Variants in AHCYL2 observed in about 807,000 individuals in gnomAD.
AHCYL2 encodes adenosylhomocysteinase like 2, also known as S-adenosylhomocysteine hydrolase-like protein 2.
A neutral mutation model predicts 81.4 loss-of-function variants in AHCYL2; 28 were observed. That is an observed-to-expected ratio of 0.34 (90% confidence interval 0.25 to 0.47). The LOEUF (loss-of-function observed/expected upper bound fraction) is 0.47. AHCYL2 is among the 20% of genes least tolerant of loss of function. AHCYL2 has a pLI of 1.00. For missense variants in AHCYL2, 551 were observed against 785.1 expected (o/e 0.70, Z 3.56); for synonymous variants, 272 against 290.2 (o/e 0.94, Z 0.64).
chr7:129,255,291 G>A (rs1022812451), intron 1 of AHCYL2, among the ~76,000 whole-genome samples: 8 of 151,812 alleles, frequency 5.3e-5, no homozygotes, highest in Non-Finnish European at 1.0e-4. Flanking sequence ...AAAGAAACAA[G>A]TGAAATTGAT....
intron 1 of AHCYL2, among the ~76,000 whole-genome samples, chr7:129,255,217 C>T (rs898902532): frequency 2.6e-5 from 4 of 151,928 alleles, no homozygotes; most frequent in African/African-American, 4.8e-5. Flanking sequence ...GCCGAGATCG[C>T]GCCATTGCAC....
chr7:129,387,133 C>T (rs905086617), intron 2 of AHCYL2, among the ~76,000 whole-genome samples: 8 of 151,712 alleles, frequency 5.3e-5, no homozygotes, highest in Non-Finnish European at 1.0e-4. Flanking sequence ...CTGATTTCTG[C>T]TTTATAGCAC....
Position 129,427,176 on chromosome 7 carries a change from GTTAT to G in AHCYL2, c.*141_*144del, listed in dbSNP as rs1797401814. ...CTGCCGTGCTCACCCTGTGTGTTAG[GTTAT>G]TTATTTATTAAAATCAAGAATCCTG... On this transcript the variant is annotated 3_prime_UTR_variant, in exon 17 of 17. Coordinates refer to ENST00000325006, the MANE Select transcript of AHCYL2 (RefSeq NM_015328.4). This position sits in a 1 kb window ranked among gnomAD's most constrained non-coding sequence, Gnocchi z 5.5. 3.2e-6 allele frequency: 3 copies of G among 929,426 alleles called. No individual in the cohort carries two copies. The highest frequency in any genetic ancestry group is 1.7e-5 in the African/African-American group (1 of 59,038). The allele number at this position is 929,426 out of a possible 1,614,324, so 57.6% of individuals were successfully genotyped here.
At chr7:129,281,986 A>G (rs747505829) in intron 1 of AHCYL2, among the ~76,000 whole-genome samples, 12 of 152,214 alleles carry the variant, frequency 7.9e-5, no homozygotes, top group South Asian at 2.1e-4. Context: ...TCTTTGACCC[A>G]TCAGTTACTT....
chr7:129,249,486 C>G (rs535023714), intron 1 of AHCYL2, among the ~76,000 whole-genome samples: 8 of 151,978 alleles, frequency 5.3e-5, no homozygotes, highest in Non-Finnish European at 2.9e-5. Flanking sequence ...ACTGCAGTGG[C>G]GCAATCTCGG....
chr7:129,281,116 G>A (rs1457697043), intron 1 of AHCYL2, among the ~76,000 whole-genome samples: 1 of 151,936 alleles, frequency 6.6e-6, no homozygotes, highest in East Asian at 1.9e-4. Context: ...GCCCACCTTG[G>A]CCTCCCAAAG....
intron 1 of AHCYL2, among the ~76,000 whole-genome samples, chr7:129,294,675 G>A (rs988363228): frequency 5.3e-5 from 8 of 152,128 alleles, no homozygotes; most frequent in African/African-American, 1.9e-4. Flanking sequence ...ATCTGAACAG[G>A]ATATCTTTTA....
intron 1 of AHCYL2, among the ~76,000 whole-genome samples, chr7:129,369,953 A>G (rs1003500894): frequency 6.6e-6 from 1 of 152,176 alleles, no homozygotes; most frequent in Non-Finnish European, 1.5e-5. Flanking sequence ...GATTTATGTA[A>G]TACTTCTGAT....
At chr7:129,248,620 A>ATT (rs75305879) in intron 1 of AHCYL2, among the ~76,000 whole-genome samples, 8 of 100,768 alleles carry the variant, frequency 7.9e-5, no homozygotes, top group South Asian at 2.9e-4. Context: ...CCTGGATACT[A>ATT]TTTTTTTTTT....
chr7:129,251,540 C>T (rs546841101), intron 1 of AHCYL2, among the ~76,000 whole-genome samples: 3 of 152,018 alleles, frequency 2.0e-5, no homozygotes, highest in East Asian at 3.9e-4. Context: ...GTTTATTATT[C>T]TCTTACATGT....
chr7:129,279,080 G>T (rs956141228), intron 1 of AHCYL2, among the ~76,000 whole-genome samples: 2 of 152,032 alleles, frequency 1.3e-5, no homozygotes, highest in Admixed American at 1.3e-4. Context: ...TTTAGAATCA[G>T]TTTGTCAGAT....
chr7:129,285,583 CT>C (rs969253316), intron 1 of AHCYL2, among the ~76,000 whole-genome samples: 1 of 152,092 alleles, frequency 6.6e-6, no homozygotes, highest in Non-Finnish European at 1.5e-5. Context: ...TACTGCCAAT[CT>C]TTCCCCAGAG....
intron 1 of AHCYL2, among the ~76,000 whole-genome samples, chr7:129,315,350 C>G (rs1797795415): frequency 6.6e-6 from 1 of 152,116 alleles, no homozygotes; most frequent in African/African-American, 2.4e-5. Flanking sequence ...TTCCTAATCC[C>G]CTACTGTCCT....
chr7:129,323,113 ATCT>A (rs1273560489), intron 1 of AHCYL2, among the ~76,000 whole-genome samples: 7 of 152,116 alleles, frequency 4.6e-5, no homozygotes, highest in East Asian at 1.9e-4. Flanking sequence ...GTGGAAAAAA[ATCT>A]TCTGTTTGCT....
chr7:129,308,164 G>A (rs1245871864), intron 1 of AHCYL2, among the ~76,000 whole-genome samples: 1 of 152,068 alleles, frequency 6.6e-6, no homozygotes, highest in Non-Finnish European at 1.5e-5. Context: ...ACTAGGACTT[G>A]CCCAGGAGTT....
At chr7:129,281,676 T>C (rs1395200085) in intron 1 of AHCYL2, among the ~76,000 whole-genome samples, 1 of 151,920 alleles carries the variant, frequency 6.6e-6, no homozygotes. Flanking sequence ...TTTTGCATTT[T>C]TTGTAGAGAT....
At chr7:129,305,576 GTTA>G (rs904059936) in intron 1 of AHCYL2, among the ~76,000 whole-genome samples, 1 of 152,088 alleles carries the variant, frequency 6.6e-6, no homozygotes. Context: ...AAAAGTTGTA[GTTA>G]TTATTTTTGA....
At chr7:129,303,299 G>A (rs974928576) in intron 1 of AHCYL2, among the ~76,000 whole-genome samples, 3 of 152,182 alleles carry the variant, frequency 2.0e-5, no homozygotes, top group South Asian at 2.1e-4. Context: ...ATGCCTGGCC[G>A]ACTGAGAGAT....
intron 11 of AHCYL2, among the ~76,000 whole-genome samples, chr7:129,410,607 G>A (rs1796520244): frequency 6.6e-6 from 1 of 152,192 alleles, no homozygotes; most frequent in African/African-American, 2.4e-5. Context: ...CAAAAGTGAT[G>A]TATGTTTCTC....
Sources: gnomAD v4.1 joint callset for allele counts (sites outside exome capture counted in the v4.1 genomes callset) on GRCh38, gnomAD v4.1.1 for gene constraint, Gnocchi (gnomAD v3.1) non-coding constraint, MANE v1.5 for transcripts, NCBI Gene and HGNC (gene_info 2026-07-23, HGNC 2026-07-21) for gene names.